ARHGAP6: variants seen among roughly 807,000 people sequenced by gnomAD.
The protein encoded by ARHGAP6 is rho GTPase-activating protein 6.
Under a neutral mutation model 55.7 loss-of-function variants are expected in ARHGAP6, and 16 were observed. The observed-to-expected ratio is 0.29, with a 90% CI of 0.19 to 0.44. ARHGAP6 has a LOEUF of 0.44. Among genes scored for constraint, ARHGAP6 ranks in the 20% least tolerant of loss-of-function variants. The pLI, the probability that ARHGAP6 is intolerant of heterozygous loss-of-function variation, is 1.00. For missense variants in ARHGAP6, 698 were observed against 808.9 expected, an observed-to-expected ratio of 0.86 and a Z score of 1.66; for synonymous variants, 382 against 360.9, an observed-to-expected ratio of 1.06 and a Z score of -0.66.
At position 11,174,538 on chromosome X, in the gene ARHGAP6, C is replaced by CTTCA. The variant is rs1277487428; in HGVS notation, c.1629+3561_1629+3562insTGAA. Among the ~76,000 whole-genome samples the CTTCA allele has an allele frequency of 7.1e-5, 5 of 70,714 alleles. No individual in the cohort carries two copies. In the East Asian group the frequency reaches 2.2e-3, roughly 32 times the overall value. 61.4% of individuals were successfully genotyped at this position (70,714 alleles called of 115,157 possible). A position where few individuals can be genotyped will look rare whatever the true frequency, so the allele number is the denominator to read the frequency against. On this transcript the variant is annotated intron_variant, in intron 8 of 12. Coordinates refer to ENST00000337414, the MANE Select transcript of ARHGAP6 (RefSeq NM_013427.3). ...CTTTCTTTCCTTCCTTCCTTCCTTCCTTCCTTCCTTCCTTCCTTCCTTCCT... is the reference window on the plus strand; with the variant it reads ...CTTTCTTTCCTTCCTTCCTTCCTTCCTTCATTCCTTCCTTCCTTCCTTCCTTCCT...
intron 1 of ARHGAP6, among the ~76,000 whole-genome samples, chrX:11,315,490 G>A (rs1242055991): frequency 2.7e-5 from 3 of 111,769 alleles, no homozygotes; most frequent in Non-Finnish European, 5.6e-5. Context: ...ACTGGTCTGC[G>A]GCCCGGGGGT....
intron 1 of ARHGAP6, among the ~76,000 whole-genome samples, chrX:11,415,889 TA>T (rs749534427): frequency 1.1e-3 from 119 of 111,684 alleles, no homozygotes; most frequent in African/African-American, 3.8e-3. Context: ...AAGCCAACCC[TA>T]ACCGACCCAC....
chrX:11,497,663 G>T (rs2050637815), intron 1 of ARHGAP6, among the ~76,000 whole-genome samples: 1 of 107,284 alleles, frequency 9.3e-6, no homozygotes, highest in African/African-American at 3.4e-5. Context: ...AACTGAATCT[G>T]TCAGCACCTT....
chrX:11,224,185 G>T (rs1405942001), intron 2 of ARHGAP6: 2 of 121,042 alleles, frequency 1.7e-5, no homozygotes, highest in Non-Finnish European at 3.5e-5. Flanking sequence ...GCAGAAAGAT[G>T]AAGAAGAAAG....
intron 2 of ARHGAP6, among the ~76,000 whole-genome samples, chrX:11,204,310 G>T (rs1047711931): frequency 2.7e-5 from 3 of 111,730 alleles, no homozygotes; most frequent in African/African-American, 9.8e-5. Context: ...GAATGGATGG[G>T]GATTGGTTTT....
intron 1 of ARHGAP6, among the ~76,000 whole-genome samples, chrX:11,287,358 G>A (rs994271596): frequency 8.9e-6 from 1 of 112,163 alleles, no homozygotes; most frequent in Non-Finnish European, 1.9e-5. Context: ...AGTGGGTGAA[G>A]AGTGTCTGAG....
At chrX:11,278,525 T>A (rs1468117925) in intron 1 of ARHGAP6, among the ~76,000 whole-genome samples, 2 of 111,909 alleles carry the variant, frequency 1.8e-5, no homozygotes, top group Admixed American at 1.9e-4. Context: ...TGTGTCAGAT[T>A]TCTAACCTAC....
At chrX:11,663,783 T>A (rs947202335) in intron 1 of ARHGAP6, among the ~76,000 whole-genome samples, 1 of 111,822 alleles carries the variant, frequency 8.9e-6, no homozygotes, top group Admixed American at 9.5e-5. Context: ...ACACACACAC[T>A]CACTCATACA....
intron 2 of ARHGAP6, among the ~76,000 whole-genome samples, chrX:11,245,658 C>T (rs1281762575): frequency 8.9e-6 from 1 of 111,952 alleles, no homozygotes; most frequent in African/African-American, 3.2e-5. Flanking sequence ...ATCATGAAAA[C>T]ATATTTTGAA....
At chrX:11,578,875 T>C (rs781076801) in intron 1 of ARHGAP6, among the ~76,000 whole-genome samples, 2 of 111,011 alleles carry the variant, frequency 1.8e-5, no homozygotes, top group Non-Finnish European at 3.8e-5. Context: ...TTCATGTCCT[T>C]TGTAGGGACA....
chrX:11,426,905 C>T (rs771404717), intron 1 of ARHGAP6, among the ~76,000 whole-genome samples: 41 of 110,190 alleles, frequency 3.7e-4, no homozygotes, highest in African/African-American at 1.4e-3. Flanking sequence ...CACAGTAGGT[C>T]CCCAGTAAAT....
Position 11,173,067 on chromosome X carries a change from G to A in ARHGAP6, c.1630-3383C>T, listed in dbSNP as rs114102455. 5.8e-3 allele frequency among the ~76,000 whole-genome samples: 655 copies of A among 112,032 alleles called. 4 individuals are homozygous for A. Among genetic ancestry groups the A allele is most frequent in the African/African-American group, 0.02 (615 of 30,763 alleles). On this transcript the variant is annotated intron_variant, in intron 8 of 12. Transcript: ENST00000337414. ...TGTTGTCCCTATTTTATAGACGAGG[G>A]AAGTGATGTCCAAAGCTCAGAGCCA...
chrX:11,619,459 T>C (rs1192943031), intron 1 of ARHGAP6, among the ~76,000 whole-genome samples: 6 of 112,316 alleles, frequency 5.3e-5, no homozygotes, highest in Non-Finnish European at 1.9e-5. Flanking sequence ...GCATAACTTC[T>C]AAAGACATTT....
chrX:11,555,142 A>G (rs2051308253), intron 1 of ARHGAP6, among the ~76,000 whole-genome samples: 1 of 112,006 alleles, frequency 8.9e-6, no homozygotes, highest in African/African-American at 3.2e-5. Flanking sequence ...CTGATGGTAT[A>G]AGCAATTCAT....
intron 1 of ARHGAP6, among the ~76,000 whole-genome samples, chrX:11,488,550 T>C (rs59143827): frequency 0.11 from 11,894 of 110,205 alleles, 615 homozygotes; most frequent in African/African-American, 0.18. Flanking sequence ...GGTACCCAAC[T>C]CCTGGGCTGC....
intron 1 of ARHGAP6, chrX:11,334,468 G>A (rs750603707): frequency 3.5e-5 from 4 of 113,922 alleles, no homozygotes; most frequent in Non-Finnish European, 7.4e-5. Flanking sequence ...CTGCATGCTA[G>A]TAATGCAGTT....
Position 11,656,768 on chromosome X carries a change from G to A in ARHGAP6, c.588+7473C>T, listed in dbSNP as rs750340778. Reference sequence around the variant, plus strand: ...CATTGGCCCCACCCAGACAATCCACGATAATCTCGCATCTGCAAAATCCTC... The same window carrying A: ...CATTGGCCCCACCCAGACAATCCACAATAATCTCGCATCTGCAAAATCCTC... On this transcript the variant is annotated intron_variant, in intron 1 of 12. Coordinates refer to ENST00000337414, the MANE Select transcript of ARHGAP6 (RefSeq NM_013427.3). Among the ~76,000 whole-genome samples the A allele has an allele frequency of 1.2e-3, 139 of 111,429 alleles. 1 individual carries two copies. Among genetic ancestry groups the A allele is most frequent in the Non-Finnish European group, 1.7e-3 (88 of 53,030 alleles).
chrX:11,528,537 A>T (rs758972903), intron 1 of ARHGAP6, among the ~76,000 whole-genome samples: 1 of 112,454 alleles, frequency 8.9e-6, no homozygotes, highest in East Asian at 2.8e-4. Flanking sequence ...AAATGCAGGA[A>T]ACTATAGCAA....
At chrX:11,502,175 G>C (rs142034470) in intron 1 of ARHGAP6, among the ~76,000 whole-genome samples, 343 of 112,685 alleles carry the variant, frequency 3.0e-3, no homozygotes, top group Non-Finnish European at 5.6e-3. Context: ...GCAATGAAAA[G>C]TACATTAATT....
Sources: allele counts gnomAD v4.1 joint callset (sites outside exome capture counted in the v4.1 genomes callset), GRCh38; gene constraint gnomAD v4.1.1; transcripts MANE v1.5; gene names NCBI Gene and HGNC (gene_info 2026-07-23, HGNC 2026-07-21).